STKLD1: variants seen among roughly 807,000 people sequenced by gnomAD.
STKLD1 encodes serine/threonine kinase-like domain-containing protein STKLD1.
Under a neutral mutation model 80.4 loss-of-function variants are expected in STKLD1, and 79 were observed. That is an observed-to-expected ratio of 0.98 (90% CI 0.82 to 1.19). The LOEUF is 1.19. STKLD1 is among the 50% of genes most tolerant of loss of function. The pLI, the probability that STKLD1 is intolerant of heterozygous loss-of-function variation, is 0.00. For missense variants in STKLD1, 841 were observed against 856.0 expected (o/e 0.98, Z 0.22); for synonymous variants, 393 against 357.6 (o/e 1.10, Z -1.12).
chr9:133,382,293 G>A (rs2130268134), intron 2 of STKLD1, among the ~76,000 whole-genome samples: 9 of 152,228 alleles, frequency 5.9e-5, no homozygotes, highest in South Asian at 2.1e-4. Context: ...TTCTTGGAGC[G>A]TATATTATGC....
At chr9:133,393,322 G>C (rs370117537) in intron 7 of STKLD1, among the ~76,000 whole-genome samples, 2 of 132,716 alleles carry the variant, frequency 1.5e-5, no homozygotes, top group African/African-American at 5.7e-5. Flanking sequence ...ATGGGTGGGT[G>C]AGTGGATGGA....
intron 14 of STKLD1, 151 bp from the exon 15 acceptor site, chr9:133,403,549 C>T (rs1172177726): frequency 3.0e-6 from 3 of 996,614 alleles, no homozygotes; most frequent in Admixed American, 2.7e-5. Flanking sequence ...CTGGGCTAAC[C>T]CCTGCACCCG....
rs1838256497 is a variant in STKLD1, at chr9:133,386,000, C to T, written c.294+309C>T. Among the ~76,000 whole-genome samples the T allele has an allele frequency of 6.6e-6, 1 of 151,920 alleles. No individual in the cohort carries two copies. Among genetic ancestry groups the T allele is most frequent in the Non-Finnish European group, 1.5e-5 (1 of 67,990 alleles). On this transcript the variant is annotated intron_variant, in intron 4 of 17. Coordinates refer to ENST00000371957, the MANE Select transcript of STKLD1 (RefSeq NM_153710.5). The surrounding 1 kb of genome is among the most constrained non-coding windows in gnomAD (Gnocchi z 4.9). Reference sequence around the variant, plus strand: ...ATGGTGTGATCTTGGCTCACTGCAACCTCTGCCTCCCGGGTTCAAGAGATT... The same window carrying T: ...ATGGTGTGATCTTGGCTCACTGCAATCTCTGCCTCCCGGGTTCAAGAGATT...
intron 9 of STKLD1, 80 bp downstream of exon 9, chr9:133,395,843 T>C (rs1838547480): frequency 2.7e-6 from 4 of 1,474,288 alleles, no homozygotes; most frequent in East Asian, 4.6e-5. Flanking sequence ...GCACAGCTAG[T>C]TGGCTTTGTA....
At chr9:133,388,746 A>G (rs781998302) in intron 5 of STKLD1, 4 of 985,410 alleles carry the variant, frequency 4.1e-6, no homozygotes, top group Non-Finnish European at 4.8e-6. Context: ...CATCTACCCC[A>G]GATGAATGCT....
In STKLD1 at chr9:133,385,779, C is replaced by T. The variant is rs2130275569; in HGVS notation, c.294+88C>T. The T allele has an allele frequency of 7.6e-5, 95 of 1,246,020 alleles. 2 individuals carry two copies. In the South Asian group the frequency reaches 1.2e-3, roughly 15 times the overall value. 77.2% of individuals were successfully genotyped at this position (1,246,020 alleles called of 1,614,324 possible). On this transcript the variant is annotated intron_variant, in intron 4 of 17. Coordinates refer to ENST00000371957, the MANE Select transcript of STKLD1 (RefSeq NM_153710.5). The surrounding 1 kb of genome is among the most constrained non-coding windows in gnomAD (Gnocchi z 4.9). ...CTGAGCCCAGAGCACGCCCACCCCC[C>T]ACTGTCAGAATAGCTCGTGTGGCAA...
intron 14 of STKLD1, 111 bp from the exon 15 acceptor site, chr9:133,403,589 C>A: frequency 7.2e-7 from 1 of 1,385,932 alleles, no homozygotes; most frequent in South Asian, 1.4e-5. Flanking sequence ...TTTCCCACCC[C>A]ATTTCTGCTG....
rs2130283872 is a variant in STKLD1 at position 133,389,339 on chromosome 9, C to T, written c.397-187C>T. The T allele has an allele frequency of 2.4e-5, 24 of 985,224 alleles. No homozygotes were observed. In the South Asian group the frequency reaches 4.2e-4, roughly 17 times the overall value. 61.0% of individuals were successfully genotyped at this position (985,224 alleles called of 1,614,324 possible). On this transcript the variant is annotated intron_variant, in intron 5 of 17. Transcript: ENST00000371957. This position sits in a 1 kb window ranked among gnomAD's most constrained non-coding sequence, Gnocchi z 6.4. ...CTCAGAGTCCTTCTGGCTGCCGCCG[C>T]GGCTTTACCATCTGGAGAGCCACCA...
Position 133,394,252 on chromosome 9 carries a change from G to A in STKLD1, c.584-39G>A. On this transcript the variant is annotated intron_variant, in intron 7 of 17. Transcript: ENST00000371957. The surrounding 1 kb of genome is among the most constrained non-coding windows in gnomAD (Gnocchi z 4.9). ...TCTGTCAAGCCCCTGCCCCCAGGGA[G>A]CAAAGGACTCAGGGATCCCACCTTG... 7.0e-7 allele frequency: 1 copy of A among 1,419,236 alleles called. No homozygotes were observed. The highest frequency in any genetic ancestry group is 1.0e-6 in the Non-Finnish European group (1 of 1,002,482). 87.9% of individuals were successfully genotyped at this position (1,419,236 alleles called of 1,614,324 possible). A position where few individuals can be genotyped will look rare whatever the true frequency, so the allele number is the denominator to read the frequency against.
At position 133,389,377 on chromosome 9, in the gene STKLD1, C is replaced by T; in HGVS notation, c.397-149C>T. ...TGGAGAGCCACCACGCTGAAGCCTC[C>T]TCCACCCTGAGCGCTTGGCTGGCTT... is the stretch of plus-strand genomic sequence containing the variant. On this transcript the variant is annotated intron_variant, in intron 5 of 17. Transcript: ENST00000371957. The surrounding 1 kb of genome is among the most constrained non-coding windows in gnomAD (Gnocchi z 6.4). 1 of 1,449,020 alleles carries T rather than the reference C, an allele frequency of 6.9e-7. No homozygotes were observed. The allele number at this position is 1,449,020 out of a possible 1,614,324, so 89.8% of individuals were successfully genotyped here.
At position 133,388,410 on chromosome 9, in the gene STKLD1, C is replaced by T. The variant is rs2130282256; in HGVS notation, c.396+862C>T. Among the ~76,000 whole-genome samples the T allele has an allele frequency of 2.6e-5, 4 of 152,226 alleles. No homozygotes were observed. In the East Asian group the frequency reaches 7.7e-4, roughly 29 times the overall value. On this transcript the variant is annotated intron_variant, in intron 5 of 17. Transcript: ENST00000371957. Reference sequence around the variant, plus strand: ...CTACAGGTGCCCACCACCACACCCACTAATTTTTGTATTATTAATAGAGAC... The same window carrying T: ...CTACAGGTGCCCACCACCACACCCATTAATTTTTGTATTATTAATAGAGAC...
chr9:133,377,281 T>C (rs1391939643), intron 1 of STKLD1, among the ~76,000 whole-genome samples: 1 of 152,144 alleles, frequency 6.6e-6, no homozygotes, highest in Non-Finnish European at 1.5e-5. Context: ...TAGACTTGAT[T>C]CGAGATACGG....
At chr9:133,388,957 T>G (rs933747679) in intron 5 of STKLD1, 6 of 985,260 alleles carry the variant, frequency 6.1e-6, no homozygotes, top group African/African-American at 1.7e-5. Context: ...CTGGGGGCAG[T>G]GGGAGGACGC....
At chr9:133,398,460 T>G (rs886273868) in intron 11 of STKLD1, among the ~76,000 whole-genome samples, 8 of 152,180 alleles carry the variant, frequency 5.3e-5, no homozygotes, top group African/African-American at 1.9e-4. Flanking sequence ...ACTTTAACTT[T>G]TCACAGATAC....
Position 133,402,882 on chromosome 9 carries a change from A to G in STKLD1, c.1344A>G (p.Ser448=). 6.3e-7 allele frequency: 1 copy of G among 1,596,664 alleles called. No homozygotes were observed. The highest frequency in any genetic ancestry group is 1.3e-5 in the African/African-American group (1 of 74,694). ...SLLAITTTQE[S]ESLSEELQNA... Reference sequence around the variant, plus strand: ...CTCATTCTGGCTCACCCACAGAGTCAGAGTCACTGTCAGAGGAGCTGCAGA... The same window carrying G: ...CTCATTCTGGCTCACCCACAGAGTCGGAGTCACTGTCAGAGGAGCTGCAGA... The change falls in exon 14 of 18, where the codon TCA becomes TCG. Residue 448 remains serine, a synonymous_variant. Coordinates refer to ENST00000371957, the MANE Select transcript of STKLD1 (RefSeq NM_153710.5).
chr9:133,387,658 T>C (rs1054023187), intron 5 of STKLD1, 110 bp downstream of exon 5: 10 of 838,394 alleles, frequency 1.2e-5, no homozygotes, highest in Non-Finnish European at 2.1e-5. Context: ...AGTCCAGCCT[T>C]GTTTTTTTCT....
chr9:133,394,473 A>C lies in STKLD1; in HGVS notation c.702+64A>C. The C allele has an allele frequency of 8.1e-7, 1 of 1,233,628 alleles. No homozygotes were observed. The highest frequency in any genetic ancestry group is 1.7e-5 in the Admixed American group (1 of 59,308). The allele number at this position is 1,233,628 out of a possible 1,614,324, so 76.4% of individuals were successfully genotyped here. The stretch of plus-strand genomic sequence containing the variant: ...CCCCACGCGCCCAGGCCTGGGGAAA[A>C]GGCTTGGCCTCACCCTGCCTCCCCT... On this transcript the variant is annotated intron_variant, in intron 8 of 17. Coordinates refer to ENST00000371957, the MANE Select transcript of STKLD1 (RefSeq NM_153710.5). This position sits in a 1 kb window ranked among gnomAD's most constrained non-coding sequence, Gnocchi z 4.9.
chr9:133,394,456 G>GCCCAAGCCTTTTC lies in STKLD1; in HGVS notation c.702+51_702+52insAGCCTTTTCCCCA. 1.4e-6 allele frequency: 2 copies of GCCCAAGCCTTTTC among 1,387,618 alleles called. No individual in the cohort carries two copies. Among genetic ancestry groups the GCCCAAGCCTTTTC allele is most frequent in the Non-Finnish European group, 2.0e-6 (2 of 980,938 alleles). 86.0% of individuals were successfully genotyped at this position (1,387,618 alleles called of 1,614,324 possible). A position where few individuals can be genotyped will look rare whatever the true frequency, so the allele number is the denominator to read the frequency against. On this transcript the variant is annotated intron_variant, in intron 8 of 17. Transcript: ENST00000371957. This position sits in a 1 kb window ranked among gnomAD's most constrained non-coding sequence, Gnocchi z 4.9. ...ACACCCCACATGCTGTTCCCCACGC[G>GCCCAAGCCTTTTC]CCCAGGCCTGGGGAAAAGGCTTGGC...
At chr9:133,382,875 ATGG>A (rs1838173116) in intron 2 of STKLD1, among the ~76,000 whole-genome samples, 5 of 134,832 alleles carry the variant, frequency 3.7e-5, no homozygotes, top group East Asian at 2.4e-4. Flanking sequence ...TGTGATGGTG[ATGG>A]TGGTAATGAT....
Sources: gnomAD v4.1 joint callset for allele counts (sites outside exome capture counted in the v4.1 genomes callset) on GRCh38, gnomAD v4.1.1 for gene constraint, Gnocchi (gnomAD v3.1) non-coding constraint, MANE v1.5 for transcripts, NCBI Gene and HGNC (gene_info 2026-07-23, HGNC 2026-07-21) for gene names.